The following VCP variants were observed in gnomAD, a reference collection of about 807,000 sequenced individuals.
VCP encodes the protein valosin containing protein.
In VCP, 6 loss-of-function variants were observed where a neutral mutation model predicts 85.7. The ratio of observed to expected loss-of-function variants is 0.07; its 90% CI spans 0.04 to 0.14. The LOEUF (loss-of-function observed/expected upper bound fraction) is 0.14, where lower values mean the gene tolerates loss of function less well. Ranked by LOEUF, VCP falls within the 10% of genes least tolerant of loss-of-function variation. The probability of loss-of-function intolerance (pLI) is 1.00; values close to 1 mark genes in which losing one functional copy is unlikely to be tolerated. For missense variants in VCP, 353 were observed against 1,043.4 expected (o/e 0.34, Z 9.12); for synonymous variants, 384 against 367.1 (o/e 1.05, Z -0.53).
At chr9:35,071,850 G>C in intron 1 of VCP, 1 of 989,262 alleles carries the variant, frequency 1.0e-6, no homozygotes, top group Non-Finnish European at 1.2e-6. Context: ...CTCGGTGGCA[G>C]AGCTCCTGAG....
intron 5 of VCP, 88 bp downstream of exon 5, chr9:35,065,163 C>A (rs554210337): frequency 6.3e-7 from 1 of 1,598,740 alleles, no homozygotes; most frequent in African/African-American, 1.3e-5. Context: ...CCACCGCAGC[C>A]GGCCGAGCAC....
chr9:35,060,010 T>C (rs1351137910), intron 13 of VCP: 3 of 677,570 alleles, frequency 4.4e-6, no homozygotes, highest in African/African-American at 1.8e-5. Context: ...CGCATGCCTA[T>C]AGTCCCAGCT....
Position 35,072,448 on chromosome 9 carries a change from C to G in VCP, c.-95G>C, listed in dbSNP as rs1215759855. ...CGACTGGGCCGGGGCTCGGCTCTTC[C>G]AGGCGGTGGGCGAGCAGCGGCGACA... On this transcript the variant is annotated 5_prime_UTR_variant, in exon 1 of 17. Transcript: ENST00000358901. 1 of 1,372,964 alleles carries G rather than the reference C, an allele frequency of 7.3e-7. No individual in the cohort carries two copies. Among genetic ancestry groups the G allele is most frequent in the Admixed American group, 3.5e-5 (1 of 28,972 alleles). The allele number at this position is 1,372,964 out of a possible 1,614,324, so 85.0% of individuals were successfully genotyped here. A position where few individuals can be genotyped will look rare whatever the true frequency, so the allele number is the denominator to read the frequency against.
Position 35,059,883 on chromosome 9 carries a change from A to G in VCP, c.1696-82T>C, listed in dbSNP as rs1828687272. The G allele has an allele frequency of 1.3e-6, 2 of 1,586,930 alleles. No individual in the cohort carries two copies. The highest frequency in any genetic ancestry group is 1.7e-5 in the Admixed American group (1 of 59,218). On this transcript the variant is annotated intron_variant, in intron 13 of 16. Transcript: ENST00000358901. The surrounding 1 kb of genome is among the most constrained non-coding windows in gnomAD (Gnocchi z 4.9). ...CGTGGTGGCTCACACCTGTATTCCC[A>G]GCACTTTGGGAGGCCAAGGTGGGAG...
chr9:35,066,193 G>A (rs984604422), intron 4 of VCP, among the ~76,000 whole-genome samples: 2 of 151,900 alleles, frequency 1.3e-5, no homozygotes, highest in African/African-American at 4.8e-5. Context: ...CACTTTGGGA[G>A]GCCATGGCAG....
At position 35,059,697 on chromosome 9, in the gene VCP, G is replaced by T; in HGVS notation, c.1800C>A (p.Val600=). ...CCATTTCTGTCAGGATCTGGTTGAT[G>T]ACTCGGTCAGCAGCCCCACCACCAT... ...IGDGGGAADR[V]INQILTEMDG... The change falls in exon 14 of 17, where the codon GTC becomes GTA. Residue 600 remains valine, a synonymous_variant. Coordinates refer to ENST00000358901, the MANE Select transcript of VCP (RefSeq NM_007126.5). This position sits in a 1 kb window ranked among gnomAD's most constrained non-coding sequence, Gnocchi z 4.9. The T allele has an allele frequency of 6.2e-7, 1 of 1,614,102 alleles. No individual in the cohort carries two copies. Among genetic ancestry groups the T allele is most frequent in the South Asian group, 1.1e-5 (1 of 91,060 alleles).
rs1828738431 is a variant in VCP at position 35,062,124 on chromosome 9, C to T, written c.960G>A (p.Val320=). ...APKREKTHGE[V]ERRIVSQLLT... Reference sequence around the variant, plus strand: ...ACAACTGTGATACAATGCGCCGCTCCACCTCGCCATGAGTCTGCCAGAACA... The same window carrying T: ...ACAACTGTGATACAATGCGCCGCTCTACCTCGCCATGAGTCTGCCAGAACA... The change falls in exon 9 of 17, where the codon GTG becomes GTA. Residue 320 remains valine (V), a synonymous_variant. Coordinates refer to ENST00000358901, the MANE Select transcript of VCP (RefSeq NM_007126.5). The T allele has an allele frequency of 6.2e-7, 1 of 1,614,024 alleles. No individual in the cohort carries two copies. Among genetic ancestry groups the T allele is most frequent in the African/African-American group, 1.3e-5 (1 of 74,910 alleles).
rs916304814 is a variant in VCP, at chr9:35,056,650, T to G, written c.*467A>C. The stretch of plus-strand genomic sequence containing the variant: ...TTGTGATTAGTTTTCCAACATTAAC[T>G]CAAAAGCATGTAAAATAAATCAACC... On this transcript the variant is annotated 3_prime_UTR_variant, in exon 17 of 17. Coordinates refer to ENST00000358901, the MANE Select transcript of VCP (RefSeq NM_007126.5). 1 of 194,836 alleles carries G rather than the reference T, an allele frequency of 5.1e-6. No individual in the cohort carries two copies. The highest frequency in any genetic ancestry group is 1.1e-5 in the Non-Finnish European group (1 of 92,204). 12.1% of individuals were successfully genotyped at this position (194,836 alleles called of 1,614,324 possible).
rs1484541220 is a variant in VCP, at chr9:35,066,808, T to C, written c.312A>G (p.Pro104=). 5 of 1,613,982 alleles carry C rather than the reference T, an allele frequency of 3.1e-6. No individual in the cohort carries two copies. Among genetic ancestry groups the C allele is most frequent in the South Asian group, 1.1e-5 (1 of 91,090 alleles). Residue 104 remains proline, a synonymous_variant, in exon 4 of 17, where the codon CCA becomes CCG. Transcript: ENST00000358901. ...VRLGDVISIQ[P]CPDVKYGKRI... is the part of the protein sequence containing the mutation. ...GTTTGCCGTACTTCACATCAGGGCA[T>C]GGCTGGATGCTGAGGATGACAAGCA...
chr9:35,061,487 T>G, intron 10 of VCP, 90 bp downstream of exon 10: 3 of 1,263,956 alleles, frequency 2.4e-6, no homozygotes, highest in Non-Finnish European at 3.5e-6. Context: ...AAAACCCATC[T>G]CCTCACATCT....
Position 35,057,391 on chromosome 9 carries a change from C to T in VCP, c.2300G>A (p.Gly767Asp). ...ACCAACTTACCTGAAGCTGCCAAAG[C>T]CCCGACTCTGCTGAAGGGTCTGGGC... ...MFAQTLQQSR[G>D]FGSFRFPSGN... The change falls in exon 16 of 17, where the codon GGC becomes GAC. Residue 767 changes from glycine to aspartate, a missense_variant. This residue lies in a region of VCP where 93 missense variants were observed against 197.1 expected (regional missense o/e 0.47). Transcript: ENST00000358901. 6.2e-7 allele frequency: 1 copy of T among 1,614,270 alleles called. No individual in the cohort carries two copies. Among genetic ancestry groups the T allele is most frequent in the Non-Finnish European group, 8.5e-7 (1 of 1,180,046 alleles).
At chr9:35,068,505 T>C in intron 1 of VCP, 143 bp from the exon 2 acceptor site, 1 of 780,274 alleles carries the variant, frequency 1.3e-6, no homozygotes, top group Non-Finnish European at 2.3e-6. Flanking sequence ...GCAGCCAAGG[T>C]CACGAGGAGC....
In VCP at chr9:35,059,805, T is replaced by C. The variant is rs963637081; in HGVS notation, c.1696-4A>G. On this transcript the variant is annotated splice_polypyrimidine_tract_variant and splice_region_variant and intron_variant, in intron 13 of 16. Coordinates refer to ENST00000358901, the MANE Select transcript of VCP (RefSeq NM_007126.5). This position sits in a 1 kb window ranked among gnomAD's most constrained non-coding sequence, Gnocchi z 4.9. The stretch of plus-strand genomic sequence containing the variant: ...CACAGGGGGCAGCTTGGCGGGCCTG[T>C]AGGAGGAATGGATTGATTCAAGCAC... 6 of 1,613,894 alleles carry C rather than the reference T, an allele frequency of 3.7e-6. No individual in the cohort carries two copies. Among genetic ancestry groups the C allele is most frequent in the East Asian group, 2.2e-5 (1 of 44,868 alleles).
chr9:35,068,933 A>ATGATTAAC (rs1828886133), intron 1 of VCP, among the ~76,000 whole-genome samples: 1 of 152,228 alleles, frequency 6.6e-6, no homozygotes, highest in Non-Finnish European at 1.5e-5. Context: ...AATGGTCACC[A>ATGATTAAC]TGATTAACAG....
At position 35,062,264 on chromosome 9, in the gene VCP, T is replaced by C; in HGVS notation, c.898A>G (p.Ile300Val). ...FEEAEKNAPA[I>V]IFIDELDAIA... ...GCATCTAGCTCATCAATGAAGATGA[T>C]GGCAGGAGCATTCTTCTCAGCCTCC... The change falls in exon 8 of 17, where the codon ATC (isoleucine) becomes GTC (valine). Residue 300 changes from isoleucine (I) to valine (V), a missense_variant. Ile to Val is a conservative substitution (Grantham distance 29). This residue lies in a region of VCP where 85 missense variants were observed against 345.2 expected (regional missense o/e 0.25). Coordinates refer to ENST00000358901, the MANE Select transcript of VCP (RefSeq NM_007126.5). The C allele has an allele frequency of 6.2e-7, 1 of 1,614,216 alleles. No homozygotes were observed. Among genetic ancestry groups the C allele is most frequent in the Non-Finnish European group, 8.5e-7 (1 of 1,180,036 alleles).
intron 6 of VCP, among the ~76,000 whole-genome samples, chr9:35,063,441 A>G (rs1828765662): frequency 3.3e-5 from 5 of 152,218 alleles, no homozygotes; most frequent in Admixed American, 3.3e-4. Flanking sequence ...TAAGCCATTT[A>G]AGAGAGCAGG....
At chr9:35,061,869 C>G (rs1199316986) in intron 9 of VCP, 134 bp downstream of exon 9, 1 of 1,536,774 alleles carries the variant, frequency 6.5e-7, no homozygotes, top group Admixed American at 1.9e-5. Context: ...TCACTCTAGA[C>G]AGGACGTAGG....
chr9:35,067,777 T>TCGACAGGTGCCATGA, intron 3 of VCP, 114 bp downstream of exon 3: 1 of 1,379,284 alleles, frequency 7.3e-7, no homozygotes, highest in Non-Finnish European at 1.0e-6. Flanking sequence ...CCAGGAGGCT[T>TCGACAGGTGCCATGA]CCTGCATCGA....
At position 35,072,525 on chromosome 9, in the gene VCP, G is replaced by A. The variant is rs1828981335; in HGVS notation, c.-172C>T. The A allele has an allele frequency of 1.2e-6, 1 of 800,324 alleles. No individual in the cohort carries two copies. The highest frequency in any genetic ancestry group is 4.3e-5 in the Admixed American group (1 of 23,468). 49.6% of individuals were successfully genotyped at this position (800,324 alleles called of 1,614,324 possible). ...TCCTCCCACCGGCAGCGAGGCGTCG[G>A]GCGAACAACGCTGGCTCCTGATCCG... On this transcript the variant is annotated 5_prime_UTR_variant, in exon 1 of 17. Transcript: ENST00000358901.
Sources: allele counts gnomAD v4.1 joint callset (sites outside exome capture counted in the v4.1 genomes callset), GRCh38; gene constraint gnomAD v4.1.1; regional missense constraint gnomAD v4.1.1; non-coding constraint Gnocchi (gnomAD v3.1); transcripts MANE v1.5; gene names NCBI Gene and HGNC (gene_info 2026-07-23, HGNC 2026-07-21).